Variants in PTPRN2 observed in about 807,000 individuals in gnomAD.
PTPRN2 encodes the protein protein tyrosine phosphatase receptor type N2.
PTPRN2 carries 74 observed loss-of-function variants against 118.8 expected under a neutral mutation model. That is an observed-to-expected ratio of 0.62 (90% CI 0.52 to 0.76). The LOEUF is 0.76. PTPRN2 is among the 30% of genes least tolerant of loss of function. The pLI is 0.00. For missense variants in PTPRN2, 1,481 were observed against 1,394.4 expected, an observed-to-expected ratio of 1.06 and a Z score of -0.99; for synonymous variants, 641 against 608.0, an observed-to-expected ratio of 1.05 and a Z score of -0.80.
chr7:157,601,741 C>T (rs934212427), intron 16 of PTPRN2, among the ~76,000 whole-genome samples: 2 of 152,244 alleles, frequency 1.3e-5, no homozygotes, highest in African/African-American at 4.8e-5. Context: ...AAGTTGGAAC[C>T]CATCGAGTGG....
rs569959592 is a variant in PTPRN2, at chr7:157,975,064, C to T, written c.1724-76327G>A. Among the ~76,000 whole-genome samples, 374 of 152,192 alleles carry T rather than the reference C, an allele frequency of 2.5e-3. 3 individuals carry two copies. The highest frequency in any genetic ancestry group is 8.6e-3 in the African/African-American group (356 of 41,516). On this transcript the variant is annotated intron_variant, in intron 11 of 22. Transcript: ENST00000389418. The stretch of plus-strand genomic sequence containing the variant: ...ACTCACACTAAAGGCCTGGCCCGGA[C>T]CCTGCCTCCATCAGCAGGGTGCAGC...
chr7:158,533,814 G>A (rs904940565), intron 1 of PTPRN2, among the ~76,000 whole-genome samples: 3 of 152,238 alleles, frequency 2.0e-5, no homozygotes, highest in African/African-American at 7.2e-5. Context: ...CTCTGAAGAT[G>A]TGGATGCAGA....
At chr7:158,027,724 C>T (rs973434610) in intron 11 of PTPRN2, 12 of 152,166 alleles carry the variant, frequency 7.9e-5, no homozygotes, top group Non-Finnish European at 1.8e-4. Context: ...GAGTTTGGGA[C>T]GGAGGTTTCT....
chr7:157,692,003 A>G (rs1052860752), intron 12 of PTPRN2, among the ~76,000 whole-genome samples: 1 of 152,134 alleles, frequency 6.6e-6, no homozygotes, highest in Non-Finnish European at 1.5e-5. Context: ...TGTGTGTACA[A>G]TGCGCTCTCC....
chr7:158,189,171 T>C (rs1210232718), intron 5 of PTPRN2, among the ~76,000 whole-genome samples: 1 of 152,202 alleles, frequency 6.6e-6, no homozygotes, highest in Admixed American at 6.5e-5. Flanking sequence ...TTGTTTCTAA[T>C]GTGTGGATGT....
chr7:157,907,830 C>A (rs1797865658), intron 11 of PTPRN2, among the ~76,000 whole-genome samples: 1 of 152,160 alleles, frequency 6.6e-6, no homozygotes, highest in African/African-American at 2.4e-5. Context: ...TGACTGGCAT[C>A]TGTTCACTGA....
At chr7:158,049,536 A>G (rs1809168558) in intron 11 of PTPRN2, among the ~76,000 whole-genome samples, 1 of 152,186 alleles carries the variant, frequency 6.6e-6, no homozygotes, top group South Asian at 2.1e-4. Context: ...AAGTTCCTTG[A>G]GGAACTCGGC....
At chr7:157,693,157 G>A (rs1299270794) in intron 12 of PTPRN2, among the ~76,000 whole-genome samples, 2 of 152,040 alleles carry the variant, frequency 1.3e-5, no homozygotes, top group African/African-American at 2.4e-5. Context: ...AGAAGGGACG[G>A]GGAGGGGAGG....
chr7:157,879,480 T>C (rs1206589812), intron 12 of PTPRN2, among the ~76,000 whole-genome samples: 2 of 152,242 alleles, frequency 1.3e-5, no homozygotes, highest in African/African-American at 2.4e-5. Flanking sequence ...ACATATTTCA[T>C]TAAGCTCCAT....
At chr7:158,303,406 C>A (rs1801039242) in intron 3 of PTPRN2, among the ~76,000 whole-genome samples, 1 of 152,170 alleles carries the variant, frequency 6.6e-6, no homozygotes, top group Admixed American at 6.5e-5. Flanking sequence ...AGGAAAGCAC[C>A]AGTAGAATTC....
intron 14 of PTPRN2, among the ~76,000 whole-genome samples, chr7:157,639,333 GCTAT>G (rs1200569707): frequency 6.6e-6 from 1 of 152,200 alleles, no homozygotes; most frequent in African/African-American, 2.4e-5. Flanking sequence ...ACTGTGCCCA[GCTAT>G]CTTTCTTTAT....
At chr7:157,812,598 T>C (rs1806124582) in intron 12 of PTPRN2, among the ~76,000 whole-genome samples, 1 of 150,978 alleles carries the variant, frequency 6.6e-6, no homozygotes, top group Non-Finnish European at 1.5e-5. Context: ...CCAGAAACTC[T>C]ATGTCAGCTG....
chr7:158,076,770 C>T (rs1812392180), intron 11 of PTPRN2, among the ~76,000 whole-genome samples: 1 of 152,172 alleles, frequency 6.6e-6, no homozygotes, highest in Non-Finnish European at 1.5e-5. Context: ...TAAGCCCTGC[C>T]CTGCCCTCCC....
At chr7:157,840,288 CGTGTGACTGTGTGACT>C (rs150301509) in intron 12 of PTPRN2, among the ~76,000 whole-genome samples, 1 of 103,850 alleles carries the variant, frequency 9.6e-6, no homozygotes, top group Non-Finnish European at 1.9e-5. Context: ...ACTGTGTGAC[CGTGTGACTGTGTGACT>C]GTGTGGCCAC....
intron 12 of PTPRN2, among the ~76,000 whole-genome samples, chr7:157,793,855 T>C (rs73506208): frequency 0.039 from 5,884 of 152,186 alleles, 354 homozygotes; most frequent in African/African-American, 0.13. Context: ...CAGAAGTCAA[T>C]TTCCTCCTTT....
At chr7:158,116,677 C>A (rs1416671721) in intron 9 of PTPRN2, among the ~76,000 whole-genome samples, 1 of 152,232 alleles carries the variant, frequency 6.6e-6, no homozygotes, top group Admixed American at 6.5e-5. Flanking sequence ...ATTGTTGTTG[C>A]TCCTCCCCCT....
Position 158,192,493 on chromosome 7 carries a change from G to A in PTPRN2, c.383C>T (p.Pro128Leu). Reference sequence around the variant, plus strand: ...CTCGCTGCCAACGCTGTGTTTTGAGGGCCTGAAAAAGCAAAAGAAACCAGA... The same window carrying A: ...CTCGCTGCCAACGCTGTGTTTTGAGAGCCTGAAAAAGCAAAAGAAACCAGA... ...RRPEASSPAR[P>L]SKHSVGSERR... The change falls in exon 5 of 23, where the codon CCC becomes CTC. Residue 128 changes from proline to leucine, a missense_variant and splice_region_variant. This residue lies in a region of PTPRN2 where 1,115 missense variants were observed against 994.2 expected (regional missense o/e 1.12). Coordinates refer to ENST00000389418, the MANE Select transcript of PTPRN2 (RefSeq NM_002847.5). The A allele has an allele frequency of 1.9e-6, 3 of 1,579,376 alleles. No homozygotes were observed. Among genetic ancestry groups the A allele is most frequent in the Non-Finnish European group, 2.6e-6 (3 of 1,166,020 alleles).
At chr7:158,217,184 G>A (rs914702697) in intron 3 of PTPRN2, among the ~76,000 whole-genome samples, 2 of 152,112 alleles carry the variant, frequency 1.3e-5, no homozygotes, top group African/African-American at 2.4e-5. Context: ...CCACCAATGG[G>A]GCAGTTTAGC....
intron 10 of PTPRN2, among the ~76,000 whole-genome samples, chr7:158,107,204 A>C (rs2150359862): frequency 6.6e-6 from 1 of 152,096 alleles, no homozygotes; most frequent in South Asian, 2.1e-4. Flanking sequence ...TCCACTGTAC[A>C]TTAAGGTTAT....
Sources: allele counts gnomAD v4.1 joint callset (sites outside exome capture counted in the v4.1 genomes callset), GRCh38; gene constraint gnomAD v4.1.1; regional missense constraint gnomAD v4.1.1; transcripts MANE v1.5; gene names NCBI Gene and HGNC (gene_info 2026-07-23, HGNC 2026-07-21).